The following ZBTB20 variants were observed in gnomAD, a reference collection of about 807,000 sequenced individuals.
ZBTB20 encodes the protein zinc finger and BTB domain containing 20, also known as zinc finger and BTB domain-containing protein 20.
In ZBTB20, 9 loss-of-function variants were observed where a neutral mutation model predicts 56.9. The ratio of observed to expected loss-of-function variants is 0.16; its 90% confidence interval spans 0.10 to 0.28. ZBTB20 has a LOEUF of 0.28. Ranked by LOEUF, ZBTB20 falls within the 10% of genes least tolerant of loss-of-function variation. The pLI is 1.00. For synonymous variants in ZBTB20, 417 were observed against 420.7 expected, an observed-to-expected ratio of 0.99 and a Z score of 0.11; for missense variants, 655 against 1,003.0, an observed-to-expected ratio of 0.65 and a Z score of 4.69.
intron 6 of ZBTB20, among the ~76,000 whole-genome samples, chr3:114,503,096 T>C (rs986896059): frequency 2.0e-5 from 3 of 152,274 alleles, no homozygotes; most frequent in African/African-American, 7.2e-5. Context: ...TCAAAAGAGA[T>C]CAATGTAAGT....
intron 1 of ZBTB20, among the ~76,000 whole-genome samples, chr3:115,126,417 T>A (rs2084333899): frequency 6.6e-6 from 1 of 152,158 alleles, no homozygotes; most frequent in Admixed American, 6.5e-5. Flanking sequence ...ATGTTTATTC[T>A]AGCACCATTC....
chr3:114,926,496 G>C (rs538734670), intron 3 of ZBTB20, among the ~76,000 whole-genome samples: 2 of 151,952 alleles, frequency 1.3e-5, no homozygotes, highest in South Asian at 4.2e-4. Context: ...GAGAACAGAA[G>C]GTTACAGAGA....
At chr3:114,993,884 GAAGGA>G (rs1025645442) in intron 2 of ZBTB20, among the ~76,000 whole-genome samples, 4 of 151,640 alleles carry the variant, frequency 2.6e-5, no homozygotes, top group Non-Finnish European at 4.4e-5. Flanking sequence ...ATGTAAAAGA[GAAGGA>G]AAGAATAATG....
intron 1 of ZBTB20, among the ~76,000 whole-genome samples, chr3:115,145,935 A>C (rs2084951388): frequency 6.6e-6 from 1 of 152,182 alleles, no homozygotes; most frequent in South Asian, 2.1e-4. Context: ...TGGCCTCTAT[A>C]ATTTTTTTAG....
intron 7 of ZBTB20, among the ~76,000 whole-genome samples, chr3:114,443,451 C>T (rs2091056840): frequency 6.6e-6 from 1 of 152,178 alleles, no homozygotes; most frequent in Admixed American, 6.5e-5. Flanking sequence ...CAGCAAGCAA[C>T]ACCACTGCAT....
chr3:114,772,017 C>T (rs927901002), intron 5 of ZBTB20, among the ~76,000 whole-genome samples: 3 of 152,128 alleles, frequency 2.0e-5, no homozygotes, highest in African/African-American at 7.2e-5. Context: ...CAGTGAAAGA[C>T]TTGAGATTTT....
intron 10 of ZBTB20, among the ~76,000 whole-genome samples, chr3:114,361,483 A>G (rs2081876415): frequency 1.3e-5 from 2 of 152,200 alleles, no homozygotes; most frequent in Non-Finnish European, 1.5e-5. Flanking sequence ...ATGAGAAGGT[A>G]TCTCCCCTTT....
intron 11 of ZBTB20, among the ~76,000 whole-genome samples, chr3:114,347,747 A>C (rs1031252756): frequency 6.6e-6 from 1 of 152,218 alleles, no homozygotes; most frequent in Non-Finnish European, 1.5e-5. Context: ...ACTGCCAAAT[A>C]ATTCTGGAAT....
chr3:114,352,120 T>C (rs757437953), intron 10 of ZBTB20, among the ~76,000 whole-genome samples: 1 of 152,202 alleles, frequency 6.6e-6, no homozygotes, highest in Non-Finnish European at 1.5e-5. Context: ...TGGGTATCCA[T>C]ATTAACTCCC....
chr3:114,622,551 C>G (rs1444920869), intron 6 of ZBTB20, among the ~76,000 whole-genome samples: 1 of 151,978 alleles, frequency 6.6e-6, no homozygotes, highest in Non-Finnish European at 1.5e-5. Flanking sequence ...GTCCTAGAGG[C>G]CACTGACAAA....
At chr3:115,137,217 TTGAC>T (rs1313230138) in intron 1 of ZBTB20, among the ~76,000 whole-genome samples, 2 of 152,108 alleles carry the variant, frequency 1.3e-5, no homozygotes, top group African/African-American at 4.8e-5. Flanking sequence ...TCATTATTCT[TTGAC>T]TGCATTCAGA....
At chr3:114,618,420 C>A (rs553156836) in intron 6 of ZBTB20, among the ~76,000 whole-genome samples, 4 of 151,698 alleles carry the variant, frequency 2.6e-5, no homozygotes, top group Admixed American at 6.6e-5. Flanking sequence ...TCATGCCTGG[C>A]TACTTTTTAA....
chr3:114,433,086 A>C (rs944318723), intron 7 of ZBTB20, among the ~76,000 whole-genome samples: 8 of 152,174 alleles, frequency 5.3e-5, no homozygotes, highest in Non-Finnish European at 1.2e-4. Flanking sequence ...AAATAGTTTT[A>C]CGTAGATATA....
At chr3:114,943,853 C>T (rs2076800683) in intron 3 of ZBTB20, among the ~76,000 whole-genome samples, 1 of 136,718 alleles carries the variant, frequency 7.3e-6, no homozygotes, top group African/African-American at 3.2e-5. Context: ...AGCATCAAGC[C>T]ACAAATTCAA....
At chr3:114,789,172 T>C (rs969172415) in intron 5 of ZBTB20, among the ~76,000 whole-genome samples, 1 of 152,202 alleles carries the variant, frequency 6.6e-6, no homozygotes, top group African/African-American at 2.4e-5. Context: ...TATCAACTTA[T>C]GTGTTCAAAT....
intron 1 of ZBTB20, among the ~76,000 whole-genome samples, chr3:115,110,193 T>C (rs1021672240): frequency 2.7e-5 from 4 of 149,424 alleles, no homozygotes; most frequent in East Asian, 2.0e-4. Flanking sequence ...GCCTGGGCGA[T>C]AGGGACTCTG....
intron 6 of ZBTB20, among the ~76,000 whole-genome samples, chr3:114,530,323 A>T (rs915324966): frequency 1.3e-5 from 2 of 152,190 alleles, no homozygotes; most frequent in Admixed American, 6.5e-5. Context: ...ATGTTTAGAT[A>T]CATGAAAACT....
At chr3:114,990,924 T>C (rs1268286610) in intron 2 of ZBTB20, among the ~76,000 whole-genome samples, 2 of 152,196 alleles carry the variant, frequency 1.3e-5, no homozygotes, top group Non-Finnish European at 2.9e-5. Context: ...TGATGGTAGT[T>C]TGTATTTCTG....
chr3:114,612,057 T>A (rs1001022350), intron 6 of ZBTB20, among the ~76,000 whole-genome samples: 2 of 152,220 alleles, frequency 1.3e-5, no homozygotes, highest in African/African-American at 4.8e-5. Flanking sequence ...TTTCCATTGG[T>A]TGATATTTTT....
Sources: gnomAD v4.1 joint callset for allele counts (sites outside exome capture counted in the v4.1 genomes callset) on GRCh38, gnomAD v4.1.1 for gene constraint, MANE v1.5 for transcripts, NCBI Gene and HGNC (gene_info 2026-07-23, HGNC 2026-07-21) for gene names.